Variants in ZNF729 observed in about 807,000 individuals in gnomAD.
The protein encoded by ZNF729 is zinc finger protein 729.
ZNF729 carries 15 observed loss-of-function variants against 12.2 expected under a neutral mutation model. That is an observed-to-expected ratio of 1.23 (90% CI 0.82 to 1.89). The LOEUF (loss-of-function observed/expected upper bound fraction) is 1.89. Ranked by LOEUF, ZNF729 falls within the 40% of genes most tolerant of loss-of-function variation. ZNF729 has a pLI of 0.00. For synonymous variants in ZNF729, 492 were observed against 476.3 expected (o/e 1.03, Z -0.43); for missense variants, 1,540 against 1,456.7 (o/e 1.06, Z -0.93).
At chr19:22,287,340 C>A (rs755596869) in intron 1 of ZNF729, among the ~76,000 whole-genome samples, 1 of 151,824 alleles carries the variant, frequency 6.6e-6, no homozygotes, top group East Asian at 1.9e-4. Flanking sequence ...GATCTCCTCT[C>A]GGTGCAACCT....
intron 1 of ZNF729, among the ~76,000 whole-genome samples, chr19:22,291,847 C>A (rs1968159058): frequency 6.6e-6 from 1 of 152,216 alleles, no homozygotes; most frequent in Admixed American, 6.5e-5. Context: ...AATTCTCCTG[C>A]CTCAGCCTCC....
chr19:22,314,459 T>G lies in ZNF729; in HGVS notation c.1042T>G (p.Tyr348Asp), dbSNP rs757143644. The G allele has an allele frequency of 1.9e-6, 3 of 1,604,888 alleles. No homozygotes were observed. Among genetic ancestry groups the G allele is most frequent in the Middle Eastern group, 1.7e-4 (1 of 6,018 alleles). The change falls in exon 4 of 4, where the codon TAC (tyrosine) becomes GAC (aspartate). Residue 348 changes from tyrosine (Y) to aspartate (D), a missense_variant. Physicochemically the swap from Tyr to Asp is radical, Grantham distance 160. Transcript: ENST00000601693. The part of the protein sequence containing the change: ...HKIIHTGKKP[Y>D]KREECGKAFS... ...GATAATTCATACTGGAAAGAAACCCTACAAGCGTGAAGAATGTGGCAAAGC... is the reference window on the plus strand; with the variant it reads ...GATAATTCATACTGGAAAGAAACCCGACAAGCGTGAAGAATGTGGCAAAGC...
At chr19:22,313,016 C>T (rs1365217256) in intron 3 of ZNF729, among the ~76,000 whole-genome samples, 1 of 151,360 alleles carries the variant, frequency 6.6e-6, no homozygotes, top group Non-Finnish European at 1.5e-5. Context: ...CCTGGCCATG[C>T]CACTGTTTTA....
At chr19:22,303,711 C>T (rs760935877) in intron 1 of ZNF729, 47 bp from the exon 2 acceptor site, 3 of 1,483,624 alleles carry the variant, frequency 2.0e-6, no homozygotes, top group Admixed American at 2.1e-5. Context: ...AATTTCTGCC[C>T]ATGGCCACTT....
chr19:22,301,883 A>G lies in ZNF729; in HGVS notation c.31-1875A>G, dbSNP rs1303657934. Among the ~76,000 whole-genome samples, 6 of 152,426 alleles carry G rather than the reference A, an allele frequency of 3.9e-5. No individual in the cohort carries two copies. The South Asian group carries it at 1.0e-3, about 26-fold the overall frequency. ...AAGAGCTAGCAAATCAGAAGAGGTG[A>G]TCTAGATTCTGGAGCTTAACCAGGG... On this transcript the variant is annotated intron_variant, in intron 1 of 3. Transcript: ENST00000601693.
chr19:22,300,058 A>G (rs1462709513), intron 1 of ZNF729, among the ~76,000 whole-genome samples: 1 of 152,288 alleles, frequency 6.6e-6, no homozygotes, highest in Non-Finnish European at 1.5e-5. Context: ...TTAAAGTGTA[A>G]ATAGCCAAAA....
chr19:22,314,293 C>T lies in ZNF729; in HGVS notation c.876C>T (p.Tyr292=). Reference sequence around the variant, plus strand: ...GAATTCATACTGGAGAGAAAACCTACAAATGTGAAGAATGTGGCAAAGCTT... The same window carrying T: ...GAATTCATACTGGAGAGAAAACCTATAAATGTGAAGAATGTGGCAAAGCTT... ...HKRIHTGEKT[Y]KCEECGKAFK... The change falls in exon 4 of 4, where the codon TAC becomes TAT. Residue 292 remains tyrosine, a synonymous_variant. Transcript: ENST00000601693. 6.2e-7 allele frequency: 1 copy of T among 1,610,558 alleles called. No homozygotes were observed. Among genetic ancestry groups the T allele is most frequent in the Non-Finnish European group, 8.5e-7 (1 of 1,179,126 alleles).
At chr19:22,288,747 A>C (rs1429004652) in intron 1 of ZNF729, among the ~76,000 whole-genome samples, 1 of 152,200 alleles carries the variant, frequency 6.6e-6, no homozygotes, top group African/African-American at 2.4e-5. Context: ...TTGCGGGAAA[A>C]AGCATTGAAA....
At chr19:22,292,583 G>T (rs1454039830) in intron 1 of ZNF729, among the ~76,000 whole-genome samples, 1 of 152,036 alleles carries the variant, frequency 6.6e-6, no homozygotes, top group African/African-American at 2.4e-5. Context: ...GACTACAGGT[G>T]TGTGCCACCA....
Position 22,314,722 on chromosome 19 carries a change from A to G in ZNF729, c.1305A>G (p.Glu435=), listed in dbSNP as rs1416274152. The G allele has an allele frequency of 6.2e-7, 1 of 1,613,354 alleles. No homozygotes were observed. Among genetic ancestry groups the G allele is most frequent in the East Asian group, 2.2e-5 (1 of 44,874 alleles). The part of the protein sequence containing the change: ...IHTGKKPYKC[E]ECGKAFNSSS... ...CTGGAAAGAAACCCTACAAATGTGA[A>G]GAATGTGGCAAAGCTTTTAACAGTT... is the stretch of plus-strand genomic sequence containing the variant. Residue 435 remains glutamate (E), a synonymous_variant, in exon 4 of 4, where the codon GAA becomes GAG. Coordinates refer to ENST00000601693, the MANE Select transcript of ZNF729 (RefSeq NM_001242680.2).
chr19:22,301,760 T>G (rs1046893787), intron 1 of ZNF729, among the ~76,000 whole-genome samples: 3 of 152,290 alleles, frequency 2.0e-5, no homozygotes, highest in African/African-American at 7.2e-5. Context: ...ATCTTAGGAG[T>G]GAGAGATCAA....
chr19:22,301,305 T>C (rs1968300975), intron 1 of ZNF729, among the ~76,000 whole-genome samples: 1 of 152,250 alleles, frequency 6.6e-6, no homozygotes, highest in African/African-American at 2.4e-5. Context: ...AACTTGAATA[T>C]TTGCTCCCAG....
chr19:22,291,815 C>A (rs988505295), intron 1 of ZNF729, among the ~76,000 whole-genome samples: 1 of 152,210 alleles, frequency 6.6e-6, no homozygotes, highest in African/African-American at 2.4e-5. Flanking sequence ...CTCACTGCAA[C>A]CTCAGCCTTC....
chr19:22,288,874 G>C (rs1471087015), intron 1 of ZNF729, among the ~76,000 whole-genome samples: 2 of 150,170 alleles, frequency 1.3e-5, no homozygotes, highest in African/African-American at 4.9e-5. Flanking sequence ...TATCCCAAAA[G>C]AAAAAAAAAC....
intron 3 of ZNF729, among the ~76,000 whole-genome samples, 163 bp downstream of exon 3, chr19:22,304,946 T>A (rs967016603): frequency 3.9e-5 from 6 of 152,214 alleles, no homozygotes; most frequent in African/African-American, 1.4e-4. Context: ...GCATCTTCTG[T>A]CTTATGCTTT....
intron 1 of ZNF729, among the ~76,000 whole-genome samples, chr19:22,302,982 C>G (rs193077844): frequency 6.6e-6 from 1 of 152,250 alleles, no homozygotes; most frequent in Non-Finnish European, 1.5e-5. Flanking sequence ...ACCATGTTGG[C>G]CAGGCTGGTC....
intron 1 of ZNF729, among the ~76,000 whole-genome samples, chr19:22,289,383 A>G (rs1409870783): frequency 1.3e-5 from 2 of 151,378 alleles, no homozygotes; most frequent in East Asian, 3.9e-4. Context: ...CCGCCACCAC[A>G]CCCGGCTAAT....
intron 1 of ZNF729, among the ~76,000 whole-genome samples, chr19:22,286,776 C>T (rs1968083861): frequency 6.6e-6 from 1 of 152,198 alleles, no homozygotes; most frequent in African/African-American, 2.4e-5. Flanking sequence ...TGACTGTGCC[C>T]TGGCCTGGAG....
At chr19:22,306,339 T>C (rs978430719) in intron 3 of ZNF729, among the ~76,000 whole-genome samples, 14 of 151,204 alleles carry the variant, frequency 9.3e-5, no homozygotes, top group African/African-American at 3.4e-4. Context: ...CTCAGGAGGC[T>C]GAGGCAGGAG....
Sources: gnomAD v4.1 joint callset for allele counts (sites outside exome capture counted in the v4.1 genomes callset) on GRCh38, gnomAD v4.1.1 for gene constraint, MANE v1.5 for transcripts, NCBI Gene and HGNC (gene_info 2026-07-23, HGNC 2026-07-21) for gene names.